USP12: variants seen among roughly 807,000 people sequenced by gnomAD.
The protein encoded by USP12 is ubiquitin specific peptidase 12.
USP12 carries 19 observed loss-of-function variants against 45.5 expected under a neutral mutation model. That is an observed-to-expected ratio of 0.42 (90% CI 0.29 to 0.61). The LOEUF (loss-of-function observed/expected upper bound fraction) is 0.61, where lower values mean the gene tolerates loss of function less well. Among genes scored for constraint, USP12 ranks in the 20% least tolerant of loss-of-function variants. USP12 has a pLI of 0.22. For missense variants in USP12, 242 were observed against 447.7 expected, an observed-to-expected ratio of 0.54 and a Z score of 4.15; for synonymous variants, 149 against 148.8, an observed-to-expected ratio of 1.00 and a Z score of -0.01.
intron 1 of USP12, among the ~76,000 whole-genome samples, chr13:27,135,310 A>C (rs1481963687): frequency 1.3e-5 from 2 of 152,246 alleles, no homozygotes; most frequent in African/African-American, 4.8e-5. Flanking sequence ...TTTAGAATTT[A>C]TTTTGTTTGA....
Position 27,116,449 on chromosome 13 carries a change from G to A in USP12, c.129+67C>T. 2 of 1,404,058 alleles carry A rather than the reference G, an allele frequency of 1.4e-6. 1 individual carries two copies. The highest frequency in any genetic ancestry group is 2.6e-5 in the South Asian group (2 of 78,376). 87.0% of individuals were successfully genotyped at this position (1,404,058 alleles called of 1,614,324 possible). A position where few individuals can be genotyped will look rare whatever the true frequency, so the allele number is the denominator to read the frequency against. ...AACAATTTTCCTTTAATAACTTATG[G>A]AATGCATTCATCGTTTTTAAAACTG... On this transcript the variant is annotated intron_variant, in intron 2 of 8. Coordinates refer to ENST00000282344, the MANE Select transcript of USP12 (RefSeq NM_182488.4).
intron 1 of USP12, among the ~76,000 whole-genome samples, chr13:27,142,132 A>G (rs1296780242): frequency 6.6e-6 from 1 of 152,196 alleles, no homozygotes. Flanking sequence ...AAAAACACAC[A>G]CACAGACACA....
At chr13:27,103,607 A>AAAATAAAT (rs372985958) in intron 3 of USP12, among the ~76,000 whole-genome samples, 8 of 128,510 alleles carry the variant, frequency 6.2e-5, no homozygotes, top group South Asian at 5.4e-4. Flanking sequence ...TCAAAAAAAA[A>AAAATAAAT]AATAATAATA....
At chr13:27,123,168 A>G (rs1431228196) in intron 1 of USP12, among the ~76,000 whole-genome samples, 1 of 152,188 alleles carries the variant, frequency 6.6e-6, no homozygotes, top group East Asian at 1.9e-4. Context: ...TAGAGAGACC[A>G]TGGTATACTA....
chr13:27,133,502 C>T (rs1193986866), intron 1 of USP12, among the ~76,000 whole-genome samples: 6 of 152,122 alleles, frequency 3.9e-5, no homozygotes, highest in Non-Finnish European at 4.4e-5. Flanking sequence ...GTGGCGGGCA[C>T]CTGCAGTCCC....
At chr13:27,121,248 A>G (rs1207258480) in intron 1 of USP12, among the ~76,000 whole-genome samples, 1 of 151,916 alleles carries the variant, frequency 6.6e-6, no homozygotes, top group Non-Finnish European at 1.5e-5. Flanking sequence ...AAAATTCATA[A>G]CCATAACTAG....
chr13:27,149,207 GAATT>G (rs57840694), intron 1 of USP12, among the ~76,000 whole-genome samples: 2,705 of 152,160 alleles, frequency 0.018, 83 homozygotes, highest in African/African-American at 0.062. Flanking sequence ...TTGATTTACG[GAATT>G]AATAAAATAA....
chr13:27,136,315 T>A (rs1593202217), intron 1 of USP12, among the ~76,000 whole-genome samples: 1 of 152,248 alleles, frequency 6.6e-6, no homozygotes, highest in East Asian at 1.9e-4. Flanking sequence ...CTGGCCAACA[T>A]GGCGAAACCC....
intron 8 of USP12, among the ~76,000 whole-genome samples, chr13:27,070,370 A>G (rs990675253): frequency 6.6e-6 from 1 of 152,160 alleles, no homozygotes; most frequent in Admixed American, 6.5e-5. Context: ...AATGAATTGT[A>G]TCTTGACCTG....
At chr13:27,072,672 CCT>C (rs1873298962) in intron 7 of USP12, among the ~76,000 whole-genome samples, 1 of 152,108 alleles carries the variant, frequency 6.6e-6, no homozygotes, top group African/African-American at 2.4e-5. Flanking sequence ...ACAGGAGAGA[CCT>C]CATCCAGCAA....
At position 27,169,612 on chromosome 13, in the gene USP12, A is replaced by T. The variant is rs548376337; in HGVS notation, c.48+1980T>A. Among the ~76,000 whole-genome samples the T allele has an allele frequency of 2.6e-5, 4 of 152,258 alleles. No homozygotes were observed. The South Asian group carries it at 8.3e-4, about 32-fold the overall frequency. On this transcript the variant is annotated intron_variant, in intron 1 of 8. Coordinates refer to ENST00000282344, the MANE Select transcript of USP12 (RefSeq NM_182488.4). ...CCAACAATACACACGCCCCACATGT[A>T]ATTAATGTATCTGGATGGAAGCCCT...
intron 1 of USP12, among the ~76,000 whole-genome samples, chr13:27,130,915 G>T (rs8001868): frequency 6.6e-6 from 1 of 152,158 alleles, no homozygotes; most frequent in African/African-American, 2.4e-5. Context: ...CCACCACTTT[G>T]CTTCAGCAAG....
At chr13:27,155,380 G>T (rs1384134294) in intron 1 of USP12, among the ~76,000 whole-genome samples, 1 of 151,754 alleles carries the variant, frequency 6.6e-6, no homozygotes, top group South Asian at 2.1e-4. Context: ...TGCACCCAGC[G>T]ACCTCCATAA....
chr13:27,167,822 C>T (rs1284244635), intron 1 of USP12, among the ~76,000 whole-genome samples: 1 of 152,104 alleles, frequency 6.6e-6, no homozygotes, highest in Non-Finnish European at 1.5e-5. Flanking sequence ...AACGCATGGG[C>T]TCTGAGGTTT....
At chr13:27,076,343 T>C (rs183686943) in intron 6 of USP12, among the ~76,000 whole-genome samples, 2 of 152,324 alleles carry the variant, frequency 1.3e-5, no homozygotes, top group South Asian at 4.1e-4. Context: ...CAATCTTTAT[T>C]ATGCCTTTAA....
intron 3 of USP12, among the ~76,000 whole-genome samples, chr13:27,096,534 T>C (rs1257101718): frequency 1.3e-5 from 2 of 152,192 alleles, no homozygotes; most frequent in African/African-American, 4.8e-5. Flanking sequence ...AATATACAAC[T>C]CTACCATAGA....
At chr13:27,130,619 A>ACC (rs1490857552) in intron 1 of USP12, among the ~76,000 whole-genome samples, 1 of 152,076 alleles carries the variant, frequency 6.6e-6, no homozygotes, top group Non-Finnish European at 1.5e-5. Context: ...TTTGACAGAA[A>ACC]CCATCCCTGA....
At chr13:27,136,981 T>C (rs886924390) in intron 1 of USP12, among the ~76,000 whole-genome samples, 3 of 152,168 alleles carry the variant, frequency 2.0e-5, no homozygotes, top group East Asian at 1.9e-4. Context: ...TACTTCAATA[T>C]ACATTTAAGT....
At chr13:27,147,115 T>A (rs1222442936) in intron 1 of USP12, among the ~76,000 whole-genome samples, 1 of 152,206 alleles carries the variant, frequency 6.6e-6, no homozygotes, top group African/African-American at 2.4e-5. Context: ...ATGACCAATG[T>A]CTGCTGTTTA....
Sources: allele counts gnomAD v4.1 joint callset (sites outside exome capture counted in the v4.1 genomes callset), GRCh38; gene constraint gnomAD v4.1.1; transcripts MANE v1.5; gene names NCBI Gene and HGNC (gene_info 2026-07-23, HGNC 2026-07-21).